Variants in SH3RF1 observed in about 807,000 individuals in gnomAD.
SH3RF1 encodes the protein SH3 domain containing ring finger 1.
A neutral mutation model predicts 74.0 loss-of-function variants in SH3RF1; 32 were observed. The observed-to-expected ratio is 0.43, with a 90% CI of 0.33 to 0.58. SH3RF1 has a LOEUF of 0.58. Among genes scored for constraint, SH3RF1 ranks in the 20% least tolerant of loss-of-function variants. SH3RF1 has a pLI of 0.05. For synonymous variants in SH3RF1, 396 were observed against 439.6 expected, an observed-to-expected ratio of 0.90 and a Z score of 1.24; for missense variants, 954 against 1,130.9, an observed-to-expected ratio of 0.84 and a Z score of 2.24.
chr4:169,227,058 C>T (rs1004031259), intron 2 of SH3RF1, among the ~76,000 whole-genome samples: 1 of 151,678 alleles, frequency 6.6e-6, no homozygotes, highest in Non-Finnish European at 1.5e-5. Context: ...CCTAAATACT[C>T]GGGAGGCTGA....
intron 4 of SH3RF1, among the ~76,000 whole-genome samples, chr4:169,154,605 T>C (rs1734023983): frequency 6.6e-6 from 1 of 152,210 alleles, no homozygotes; most frequent in African/African-American, 2.4e-5. Context: ...CTGGATGTCC[T>C]GCCATAAAAT....
intron 2 of SH3RF1, among the ~76,000 whole-genome samples, chr4:169,234,722 T>C (rs896656358): frequency 1.3e-5 from 2 of 152,180 alleles, no homozygotes; most frequent in Non-Finnish European, 2.9e-5. Context: ...TCAACCTGTA[T>C]TTTTTTGTAC....
intron 2 of SH3RF1, among the ~76,000 whole-genome samples, chr4:169,181,824 T>C (rs1561046359): frequency 6.6e-6 from 1 of 152,198 alleles, no homozygotes; most frequent in South Asian, 2.1e-4. Context: ...CTGACAAAAA[T>C]GTTCTGTTAT....
At chr4:169,135,674 A>G (rs1733688243) in intron 5 of SH3RF1, among the ~76,000 whole-genome samples, 2 of 152,174 alleles carry the variant, frequency 1.3e-5, no homozygotes, top group Admixed American at 1.3e-4. Flanking sequence ...TGCTCAATAA[A>G]TGTCTGCCAA....
intron 2 of SH3RF1, among the ~76,000 whole-genome samples, chr4:169,267,258 G>A (rs1441555570): frequency 1.3e-5 from 2 of 152,140 alleles, no homozygotes; most frequent in Non-Finnish European, 2.9e-5. Context: ...CCTCACAACA[G>A]GTAAGGCAGT....
At chr4:169,233,013 C>T (rs1730767906) in intron 2 of SH3RF1, among the ~76,000 whole-genome samples, 1 of 152,086 alleles carries the variant, frequency 6.6e-6, no homozygotes, top group African/African-American at 2.4e-5. Flanking sequence ...CTTTGGGAGG[C>T]CGAGGCAGGC....
intron 2 of SH3RF1, among the ~76,000 whole-genome samples, chr4:169,221,186 C>G (rs1579146272): frequency 6.6e-6 from 1 of 152,206 alleles, no homozygotes; most frequent in East Asian, 1.9e-4. Flanking sequence ...AGGCTGAACA[C>G]AAAACCGCAG....
chr4:169,226,233 A>G (rs1458884502), intron 2 of SH3RF1, among the ~76,000 whole-genome samples: 2 of 152,188 alleles, frequency 1.3e-5, no homozygotes, highest in African/African-American at 4.8e-5. Context: ...GACAATGCAA[A>G]TCACGCTATA....
chr4:169,251,831 A>G (rs911268217), intron 2 of SH3RF1, among the ~76,000 whole-genome samples: 3 of 152,252 alleles, frequency 2.0e-5, no homozygotes, highest in Non-Finnish European at 4.4e-5. Flanking sequence ...GCAGCCTACT[A>G]GAAACAATTC....
chr4:169,123,630 G>A (rs1290380070), intron 6 of SH3RF1, among the ~76,000 whole-genome samples: 1 of 152,258 alleles, frequency 6.6e-6, no homozygotes, highest in Non-Finnish European at 1.5e-5. Flanking sequence ...AGTGGCTCAC[G>A]CCTGTAATCC....
At chr4:169,160,918 T>C (rs370745143) in intron 2 of SH3RF1, among the ~76,000 whole-genome samples, 16 of 152,346 alleles carry the variant, frequency 1.1e-4, no homozygotes, top group African/African-American at 3.4e-4. Context: ...GGATAAAATA[T>C]GTCTGGAGCC....
intron 11 of SH3RF1, among the ~76,000 whole-genome samples, chr4:169,103,542 A>G (rs979150023): frequency 2.6e-5 from 4 of 152,210 alleles, no homozygotes; most frequent in Non-Finnish European, 5.9e-5. Flanking sequence ...TTCAGCATTG[A>G]GCACTTTTTA....
In SH3RF1 at chr4:169,108,526, A is replaced by G. The variant is rs538538895; in HGVS notation, c.2140-1321T>C. 3.0e-4 allele frequency among the ~76,000 whole-genome samples: 46 copies of G among 152,318 alleles called. 1 individual carries two copies. The South Asian group carries it at 9.3e-3, about 31-fold the overall frequency. On this transcript the variant is annotated intron_variant, in intron 10 of 11. Transcript: ENST00000284637. ...GGACATGTGAACCTATGGGCTAGAA[A>G]TGGGAAGAGAGGGTGGGAGTGGGTG...
chr4:169,184,134 G>C (rs945821836), intron 2 of SH3RF1, among the ~76,000 whole-genome samples: 1 of 152,132 alleles, frequency 6.6e-6, no homozygotes, highest in Non-Finnish European at 1.5e-5. Context: ...CCAGACCTCA[G>C]GGCACTCCCA....
At chr4:169,134,594 G>C (rs1733666155) in intron 5 of SH3RF1, among the ~76,000 whole-genome samples, 1 of 152,180 alleles carries the variant, frequency 6.6e-6, no homozygotes, top group Non-Finnish European at 1.5e-5. Flanking sequence ...TTCTGTTAGT[G>C]AGTGGCCATC....
intron 11 of SH3RF1, among the ~76,000 whole-genome samples, chr4:169,105,973 T>C (rs897995130): frequency 2.0e-5 from 3 of 151,700 alleles, no homozygotes; most frequent in Non-Finnish European, 2.9e-5. Flanking sequence ...ACAAAATTCA[T>C]AAACTTTCTT....
rs535453057 is a variant in SH3RF1, at chr4:169,255,163, T to A, written c.393+13657A>T. On this transcript the variant is annotated intron_variant, in intron 2 of 11. Coordinates refer to ENST00000284637, the MANE Select transcript of SH3RF1 (RefSeq NM_020870.4). ...TTTCTAAAAACCCAGTAGATGACCA[T>A]TTTCAAAAAATGTTCACCCAGTGTC... Among the ~76,000 whole-genome samples, 3 of 152,272 alleles carry A rather than the reference T, an allele frequency of 2.0e-5. No individual in the cohort carries two copies. In the East Asian group the frequency reaches 5.8e-4, roughly 29 times the overall value.
In SH3RF1 at chr4:169,156,574, C is replaced by T. The variant is rs1244192436; in HGVS notation, c.499G>A (p.Val167Met). The change falls in exon 3 of 12, where the codon GTG becomes ATG. Residue 167 changes from valine to methionine, a missense_variant. By Grantham distance (21) the Val-to-Met change is conservative (BLOSUM62 1). This residue lies in a region of SH3RF1 where 854 missense variants were observed against 962.5 expected (regional missense o/e 0.89). Coordinates refer to ENST00000284637, the MANE Select transcript of SH3RF1 (RefSeq NM_020870.4). ...TCCCCATGGTACCAATTTTCATCCA[C>T]TTGTCTTCGCAAAATGATGATGTCA... The part of the protein sequence containing the change: ...KGDIIILRRQ[V>M]DENWYHGEVN... 1 of 1,614,062 alleles carries T rather than the reference C, an allele frequency of 6.2e-7. No homozygotes were observed. Among genetic ancestry groups the T allele is most frequent in the Non-Finnish European group, 8.5e-7 (1 of 1,179,982 alleles).
At chr4:169,260,818 C>T (rs1302279058) in intron 2 of SH3RF1, among the ~76,000 whole-genome samples, 1 of 152,194 alleles carries the variant, frequency 6.6e-6, no homozygotes, top group Admixed American at 6.5e-5. Context: ...AGGAAACCAA[C>T]ATAACTGAGT....
Sources: allele counts gnomAD v4.1 joint callset (sites outside exome capture counted in the v4.1 genomes callset), GRCh38; gene constraint gnomAD v4.1.1; regional missense constraint gnomAD v4.1.1; transcripts MANE v1.5; gene names NCBI Gene and HGNC (gene_info 2026-07-23, HGNC 2026-07-21).